The following LYN variants were observed in gnomAD, a reference collection of about 807,000 sequenced individuals.
The protein encoded by LYN is LYN proto-oncogene, Src family tyrosine kinase, also known as tyrosine-protein kinase Lyn.
In LYN, 12 loss-of-function variants were observed where a neutral mutation model predicts 65.0. The ratio of observed to expected loss-of-function variants is 0.18; its 90% CI spans 0.12 to 0.30. The LOEUF is 0.30. Among genes scored for constraint, LYN ranks in the 10% least tolerant of loss-of-function variants. LYN has a pLI of 1.00. For synonymous variants in LYN, 222 were observed against 221.2 expected, an observed-to-expected ratio of 1.00 and a Z score of -0.03; for missense variants, 380 against 623.2, an observed-to-expected ratio of 0.61 and a Z score of 4.16.
At chr8:55,994,922 G>A (rs1242255752) in intron 10 of LYN, among the ~76,000 whole-genome samples, 6 of 152,120 alleles carry the variant, frequency 3.9e-5, no homozygotes, top group African/African-American at 9.7e-5. Context: ...TGGTTCTATC[G>A]CCAAAAGCCT....
chr8:55,918,910 G>A (rs904074398), intron 1 of LYN, among the ~76,000 whole-genome samples: 4 of 151,378 alleles, frequency 2.6e-5, no homozygotes, highest in Admixed American at 6.6e-5. Flanking sequence ...CTTCAGCAGC[G>A]AGAATGGGCT....
At chr8:55,954,046 C>T in intron 8 of LYN, 62 bp downstream of exon 8, 12 of 1,554,162 alleles carry the variant, frequency 7.7e-6, no homozygotes, top group Non-Finnish European at 1.1e-5. Context: ...AGTAAAGGCT[C>T]AAGCCAATTT....
intron 1 of LYN, among the ~76,000 whole-genome samples, chr8:55,892,107 T>G (rs1804977038): frequency 6.6e-6 from 1 of 152,254 alleles, no homozygotes; most frequent in Non-Finnish European, 1.5e-5. Context: ...GCTAAGAGAT[T>G]CTTACAAGAC....
chr8:55,966,665 G>C (rs1375485246), intron 8 of LYN, 50 bp from the exon 9 acceptor site: 1 of 1,558,568 alleles, frequency 6.4e-7, no homozygotes, highest in Non-Finnish European at 8.8e-7. Flanking sequence ...ACCTCCCCCG[G>C]CTAGATTTTC....
Position 55,950,443 on chromosome 8 carries a change from T to C in LYN, c.285-16T>C. 1.3e-6 allele frequency: 2 copies of C among 1,561,760 alleles called. No individual in the cohort carries two copies. Among genetic ancestry groups the C allele is most frequent in the East Asian group, 2.2e-5 (1 of 44,644 alleles). On this transcript the variant is annotated splice_polypyrimidine_tract_variant and intron_variant, in intron 4 of 12. Transcript: ENST00000519728. ...GTAATCTTTTAGCTTCTTTTTGATG[T>C]GTATTTCTATTCTAGGCATGGAGAA...
intron 1 of LYN, among the ~76,000 whole-genome samples, chr8:55,886,241 CTTT>C (rs34839284): frequency 5.2e-5 from 7 of 133,416 alleles, no homozygotes; most frequent in Admixed American, 7.8e-5. Flanking sequence ...TGTCAAACAT[CTTT>C]TTTTTTTTTT....
chr8:55,886,992 T>C (rs1346956699), intron 1 of LYN, among the ~76,000 whole-genome samples: 1 of 152,242 alleles, frequency 6.6e-6, no homozygotes, highest in Non-Finnish European at 1.5e-5. Flanking sequence ...TTAATCAACA[T>C]ATTTTCATCC....
At chr8:55,944,877 CAAAATA>C (rs1487836652) in intron 2 of LYN, among the ~76,000 whole-genome samples, 2 of 152,172 alleles carry the variant, frequency 1.3e-5, no homozygotes, top group African/African-American at 2.4e-5. Context: ...TCCTCTTGTT[CAAAATA>C]AAGGGGATTA....
Position 55,947,695 on chromosome 8 carries a change from A to G in LYN, c.256A>G (p.Lys86Glu). ...GIHPDDLSFKKGEKMKVLEEH... is the reference protein window; with the variant it reads ...GIHPDDLSFKEGEKMKVLEEH... Reference sequence around the variant, plus strand: ...CCACCCGGACGACTTGTCTTTCAAGAAAGGAGAGAAGATGAAAGTCCTGGA... The same window carrying G: ...CCACCCGGACGACTTGTCTTTCAAGGAAGGAGAGAAGATGAAAGTCCTGGA... Residue 86 changes from lysine to glutamate, a missense_variant, in exon 4 of 13, where the codon AAA (lysine) becomes GAA (glutamate). Lys to Glu is a moderately conservative substitution (Grantham distance 56, BLOSUM62 1). Transcript: ENST00000519728. 1 of 1,613,910 alleles carries G rather than the reference A, an allele frequency of 6.2e-7. No homozygotes were observed. Among genetic ancestry groups the G allele is most frequent in the East Asian group, 2.2e-5 (1 of 44,878 alleles).
intron 1 of LYN, among the ~76,000 whole-genome samples, chr8:55,890,117 CAAAAAAAAA>C (rs34706733): frequency 7.6e-5 from 6 of 79,092 alleles, no homozygotes; most frequent in African/African-American, 1.1e-4. Context: ...CCTCTATAGA[CAAAAAAAAA>C]AAAAAAAAAA....
intron 1 of LYN, among the ~76,000 whole-genome samples, chr8:55,911,098 T>TATATATATATATATATATATACACAC: frequency 8.6e-5 from 1 of 11,686 alleles, no homozygotes; most frequent in African/African-American, 3.4e-4. Flanking sequence ...TATATATATA[T>TATATATATATATATATATATACACAC]ACATACACGT....
chr8:55,949,916 G>T (rs1369973484), intron 4 of LYN, among the ~76,000 whole-genome samples: 1 of 152,126 alleles, frequency 6.6e-6, no homozygotes, highest in Non-Finnish European at 1.5e-5. Flanking sequence ...CCCCTTAGCT[G>T]TCACCTCAAC....
At chr8:55,967,594 G>T (rs111778968) in intron 9 of LYN, among the ~76,000 whole-genome samples, 14 of 152,236 alleles carry the variant, frequency 9.2e-5, no homozygotes, top group African/African-American at 3.1e-4. Flanking sequence ...AGGATTACAG[G>T]CATGAGCACC....
intron 1 of LYN, among the ~76,000 whole-genome samples, chr8:55,938,842 C>T (rs889243904): frequency 4.6e-5 from 7 of 152,190 alleles, no homozygotes; most frequent in African/African-American, 1.7e-4. Flanking sequence ...TGAGAGCGCA[C>T]TCCTGTGTGA....
chr8:55,940,282 T>G (rs1242428613), intron 1 of LYN: 1 of 152,296 alleles, frequency 6.6e-6, no homozygotes, highest in African/African-American at 2.4e-5. Flanking sequence ...ATGCTCCCAC[T>G]GTGCCCCAGA....
chr8:55,984,276 AGACTCCGGCCACTCC>A lies in LYN; in HGVS notation c.1051-14067_1051-14053del, dbSNP rs1429653249. Among the ~76,000 whole-genome samples the A allele has an allele frequency of 8.5e-5, 13 of 152,320 alleles. No individual in the cohort carries two copies. The South Asian group carries it at 2.1e-3, about 24-fold the overall frequency. ...ATTAGTTAATCCAGCACAGCTGTCT[AGACTCCGGCCACTCC>A]GAAGCTTCTAGCTCAGCCCAAACTG... On this transcript the variant is annotated intron_variant, in intron 10 of 12. Transcript: ENST00000519728.
At chr8:55,976,309 A>C (rs1807749669) in intron 10 of LYN, among the ~76,000 whole-genome samples, 1 of 147,766 alleles carries the variant, frequency 6.8e-6, no homozygotes, top group Non-Finnish European at 1.5e-5. Context: ...CCTGAGTGAC[A>C]GAGCAAGACT....
At chr8:55,933,722 C>T (rs961338559) in intron 1 of LYN, among the ~76,000 whole-genome samples, 1 of 152,218 alleles carries the variant, frequency 6.6e-6, no homozygotes, top group Non-Finnish European at 1.5e-5. Flanking sequence ...GCACTCCCTT[C>T]CAGGCAGAGC....
intron 10 of LYN, among the ~76,000 whole-genome samples, chr8:55,987,406 CAA>C (rs879257306): frequency 1.2e-3 from 132 of 107,260 alleles, no homozygotes; most frequent in Middle Eastern, 4.6e-3. Flanking sequence ...GACTTCATCT[CAA>C]AAAAAAAAAA....
Sources: gnomAD v4.1 joint callset for allele counts (sites outside exome capture counted in the v4.1 genomes callset) on GRCh38, gnomAD v4.1.1 for gene constraint, MANE v1.5 for transcripts, NCBI Gene and HGNC (gene_info 2026-07-23, HGNC 2026-07-21) for gene names.